TRABD2A: variants seen among roughly 807,000 people sequenced by gnomAD.
TRABD2A encodes metalloprotease TIKI1.
In TRABD2A, 43 loss-of-function variants were observed where a neutral mutation model predicts 45.6. The ratio of observed to expected loss-of-function variants is 0.94; its 90% confidence interval spans 0.74 to 1.22. TRABD2A has a LOEUF of 1.22. TRABD2A is among the 50% of genes most tolerant of loss of function. The probability of loss-of-function intolerance (pLI) is 0.00; values close to 1 mark genes in which losing one functional copy is unlikely to be tolerated. For missense variants in TRABD2A, 642 were observed against 652.4 expected, an observed-to-expected ratio of 0.98 and a Z score of 0.17; for synonymous variants, 269 against 265.0, an observed-to-expected ratio of 1.02 and a Z score of -0.15.
At chr2:84,827,141 GATTCTCACAGTT>G (rs1440581708) in intron 5 of TRABD2A, among the ~76,000 whole-genome samples, 1 of 152,180 alleles carries the variant, frequency 6.6e-6, no homozygotes, top group East Asian at 1.9e-4. Context: ...GACCCACCTG[GATTCTCACAGTT>G]TAGCTAAACT....
At chr2:84,839,414 GGTCAAGACGTT>G (rs1354855057) in intron 3 of TRABD2A, 91 bp from the exon 4 acceptor site, 10 of 1,246,418 alleles carry the variant, frequency 8.0e-6, no homozygotes, top group Middle Eastern at 5.1e-4. Flanking sequence ...CAACCTAGAT[GGTCAAGACGTT>G]GTCAAGAGAA....
intron 2 of TRABD2A, among the ~76,000 whole-genome samples, chr2:84,867,585 G>A (rs1313292405): frequency 6.6e-6 from 1 of 152,176 alleles, no homozygotes; most frequent in East Asian, 1.9e-4. Flanking sequence ...ATTGACAAAT[G>A]GGATCTAATT....
In TRABD2A at chr2:84,821,726, G is replaced by C. The variant is rs1242704147; in HGVS notation, c.*191C>G. The C allele has an allele frequency of 6.4e-6, 3 of 466,560 alleles. No homozygotes were observed. Among genetic ancestry groups the C allele is most frequent in the Non-Finnish European group, 7.4e-6 (2 of 270,704 alleles). 28.9% of individuals were successfully genotyped at this position (466,560 alleles called of 1,614,324 possible). On this transcript the variant is annotated 3_prime_UTR_variant, in exon 7 of 7. Transcript: ENST00000409520. ...ACACAACTCACTATGTTACAAAACTGTACACCTGCCCCCAAAGTTGGATAA... is the reference window on the plus strand; with the variant it reads ...ACACAACTCACTATGTTACAAAACTCTACACCTGCCCCCAAAGTTGGATAA...
At chr2:84,852,130 C>T (rs1037016891) in intron 2 of TRABD2A, among the ~76,000 whole-genome samples, 1 of 152,190 alleles carries the variant, frequency 6.6e-6, no homozygotes, top group Non-Finnish European at 1.5e-5. Flanking sequence ...GTAACCTCCA[C>T]ACACAAACTC....
intron 3 of TRABD2A, 44 bp downstream of exon 3, chr2:84,841,817 T>A (rs1323412045): frequency 1.4e-6 from 2 of 1,451,622 alleles, no homozygotes; most frequent in Admixed American, 5.6e-5. Context: ...TTTATTCCTA[T>A]AATTAAATGT....
intron 6 of TRABD2A, 92 bp from the exon 7 acceptor site, chr2:84,822,192 T>A (rs1438819465): frequency 5.5e-6 from 6 of 1,088,172 alleles, no homozygotes; most frequent in Non-Finnish European, 5.1e-6. Context: ...CTTCTCTTCA[T>A]CTCCCCTCCT....
chr2:84,825,553 G>A (rs373746079), intron 5 of TRABD2A, among the ~76,000 whole-genome samples: 5 of 152,170 alleles, frequency 3.3e-5, no homozygotes, highest in African/African-American at 4.8e-5. Flanking sequence ...TGAGCTCAGC[G>A]CAATGCCTGG....
intron 2 of TRABD2A, among the ~76,000 whole-genome samples, chr2:84,868,448 A>AG (rs1465826230): frequency 2.9e-5 from 3 of 104,814 alleles, no homozygotes; most frequent in Non-Finnish European, 5.9e-5. Context: ...GGGTAGGGGG[A>AG]GGGGGGAGGG....
intron 2 of TRABD2A, among the ~76,000 whole-genome samples, chr2:84,865,029 A>T (rs1682630405): frequency 6.6e-6 from 1 of 150,894 alleles, no homozygotes; most frequent in Non-Finnish European, 1.5e-5. Flanking sequence ...TGCCTCAACC[A>T]CTCCACTCTG....
chr2:84,843,078 G>T (rs1681764376), intron 2 of TRABD2A, among the ~76,000 whole-genome samples: 1 of 151,596 alleles, frequency 6.6e-6, no homozygotes, highest in South Asian at 2.1e-4. Context: ...GGGTAGTGGG[G>T]CTGGCCACCC....
At chr2:84,875,035 G>A (rs1337154924) in intron 1 of TRABD2A, 1 of 174,940 alleles carries the variant, frequency 5.7e-6, no homozygotes. Flanking sequence ...AATCTTGATG[G>A]CTGCCACACT....
chr2:84,821,852 G>A lies in TRABD2A; in HGVS notation c.*65C>T. The A allele has an allele frequency of 7.0e-7, 1 of 1,429,972 alleles. No individual in the cohort carries two copies. Among genetic ancestry groups the A allele is most frequent in the Non-Finnish European group, 9.2e-7 (1 of 1,081,258 alleles). The allele number at this position is 1,429,972 out of a possible 1,614,324, so 88.6% of individuals were successfully genotyped here. On this transcript the variant is annotated 3_prime_UTR_variant, in exon 7 of 7. Transcript: ENST00000409520. ...GCCCAACAAGGCTAGACCAGAATGT[G>A]GAGTACAGGAATGGCCATTCTTCAA... is the stretch of plus-strand genomic sequence containing the variant.
chr2:84,854,872 T>C (rs889187820), intron 2 of TRABD2A, among the ~76,000 whole-genome samples: 4 of 152,182 alleles, frequency 2.6e-5, no homozygotes, highest in Non-Finnish European at 5.9e-5. Flanking sequence ...GGTCCACCTC[T>C]GGGGAAAAGC....
intron 5 of TRABD2A, among the ~76,000 whole-genome samples, chr2:84,829,363 A>AACACAC (rs146287038): frequency 8.9e-5 from 13 of 145,712 alleles, no homozygotes; most frequent in South Asian, 2.2e-4. Flanking sequence ...AACAACCAGC[A>AACACAC]ACACACACAC....
chr2:84,842,912 A>C (rs1298334297), intron 2 of TRABD2A, among the ~76,000 whole-genome samples: 11 of 151,828 alleles, frequency 7.2e-5, no homozygotes. Flanking sequence ...ATTTTGGGAA[A>C]ATCCAGATTC....
intron 3 of TRABD2A, among the ~76,000 whole-genome samples, chr2:84,840,243 C>A (rs76783596): frequency 0.033 from 4,956 of 152,256 alleles, 270 homozygotes; most frequent in African/African-American, 0.11. Context: ...GATATTCTTT[C>A]ATTTTCAAAT....
chr2:84,866,033 A>C (rs1186987466), intron 2 of TRABD2A, among the ~76,000 whole-genome samples: 2 of 152,230 alleles, frequency 1.3e-5, no homozygotes, highest in Admixed American at 6.5e-5. Flanking sequence ...CTGAGATGAC[A>C]AGATCAAATC....
chr2:84,874,043 G>C (rs1682951663), intron 1 of TRABD2A, among the ~76,000 whole-genome samples: 1 of 152,126 alleles, frequency 6.6e-6, no homozygotes, highest in South Asian at 2.1e-4. Flanking sequence ...TGGAGGGGTG[G>C]GGTTCGTTTT....
At chr2:84,863,399 C>T (rs1450311387) in intron 2 of TRABD2A, among the ~76,000 whole-genome samples, 1 of 151,194 alleles carries the variant, frequency 6.6e-6, no homozygotes, top group Non-Finnish European at 1.5e-5. Flanking sequence ...CGCCAGCCAT[C>T]ACGCCCGGCT....
Sources: gnomAD v4.1 joint callset for allele counts (sites outside exome capture counted in the v4.1 genomes callset) on GRCh38, gnomAD v4.1.1 for gene constraint, MANE v1.5 for transcripts, NCBI Gene and HGNC (gene_info 2026-07-23, HGNC 2026-07-21) for gene names.